RTKN2: variants seen among roughly 807,000 people sequenced by gnomAD.
The protein encoded by RTKN2 is rhotekin-2.
A neutral mutation model predicts 71.5 loss-of-function variants in RTKN2; 69 were observed. That is an observed-to-expected ratio of 0.96 (90% CI 0.79 to 1.18). The LOEUF (loss-of-function observed/expected upper bound fraction) is 1.18, where lower values mean the gene tolerates loss of function less well. Among genes scored for constraint, RTKN2 ranks in the 50% most tolerant of loss-of-function variants. The probability of loss-of-function intolerance (pLI) is 0.00; values close to 1 mark genes in which losing one functional copy is unlikely to be tolerated. For missense variants in RTKN2, 724 were observed against 719.7 expected (o/e 1.01, Z -0.07); for synonymous variants, 236 against 236.5 (o/e 1.00, Z 0.02).
Position 62,193,133 on chromosome 10 carries a change from TCATA to T in RTKN2, c.*4771_*4774del. 3 of 617,156 alleles carry T rather than the reference TCATA, an allele frequency of 4.9e-6. No individual in the cohort carries two copies. The highest frequency in any genetic ancestry group is 6.1e-6 in the Non-Finnish European group (3 of 493,716). The allele number at this position is 617,156 out of a possible 1,614,324, so 38.2% of individuals were successfully genotyped here. A position where few individuals can be genotyped will look rare whatever the true frequency, so the allele number is the denominator to read the frequency against. On this transcript the variant is annotated 3_prime_UTR_variant, in exon 12 of 12. Coordinates refer to ENST00000373789, the MANE Select transcript of RTKN2 (RefSeq NM_145307.4). ...TTAAGTTCTACAAAAATGCATCCATTCATAATTTTGAGTAGATAAACAAAATATA... is the reference window on the plus strand; with the variant it reads ...TTAAGTTCTACAAAAATGCATCCATTATTTTGAGTAGATAAACAAAATATA...
Position 62,193,449 on chromosome 10 carries a change from CTT to C in RTKN2, c.*4457_*4458del. On this transcript the variant is annotated 3_prime_UTR_variant, in exon 12 of 12. Transcript: ENST00000373789. ...AAAATGTTTGTTAAAATTTCTGTAA[CTT>C]TTTTTGTTGTTAATTGAATGTAAAG... 1.0e-6 allele frequency: 1 copy of C among 982,352 alleles called. No homozygotes were observed. Among genetic ancestry groups the C allele is most frequent in the Non-Finnish European group, 1.2e-6 (1 of 827,198 alleles). 60.9% of individuals were successfully genotyped at this position (982,352 alleles called of 1,614,324 possible). A position where few individuals can be genotyped will look rare whatever the true frequency, so the allele number is the denominator to read the frequency against.
chr10:62,247,220 A>G (rs1842496289), intron 2 of RTKN2, among the ~76,000 whole-genome samples: 1 of 151,984 alleles, frequency 6.6e-6, no homozygotes, highest in African/African-American at 2.4e-5. Flanking sequence ...GGTCTGTTAA[A>G]AAGACTGCCA....
rs149159852 is a variant in RTKN2 at position 62,245,767 on chromosome 10, T to G, written c.316+232A>C. Among the ~76,000 whole-genome samples the G allele has an allele frequency of 7.2e-3, 1,103 of 152,272 alleles. 3 individuals carry two copies. The highest frequency in any genetic ancestry group is 0.012 in the Non-Finnish European group (786 of 67,980). On this transcript the variant is annotated intron_variant, in intron 3 of 11. Transcript: ENST00000373789. The stretch of plus-strand genomic sequence containing the variant: ...AATTACTCTACCTATTTTACAAGAC[T>G]GCACTAGGGAGAAAACTGTAGAGTA...
At chr10:62,205,512 C>T (rs796289631) in intron 9 of RTKN2, among the ~76,000 whole-genome samples, 4 of 152,066 alleles carry the variant, frequency 2.6e-5, no homozygotes, top group South Asian at 2.1e-4. Context: ...GCAGTAAAAC[C>T]GTAACTTAGT....
chr10:62,206,044 C>T (rs768471312), intron 9 of RTKN2, among the ~76,000 whole-genome samples: 3 of 152,062 alleles, frequency 2.0e-5, no homozygotes, highest in East Asian at 1.9e-4. Flanking sequence ...ATTAATTTAA[C>T]GATGTATTTC....
chr10:62,226,824 G>T (rs923691822), intron 6 of RTKN2, among the ~76,000 whole-genome samples: 1 of 152,220 alleles, frequency 6.6e-6, no homozygotes, highest in Non-Finnish European at 1.5e-5. Flanking sequence ...GGCTGGGCAT[G>T]GTGGCTCACG....
downstream of RTKN2, among the ~76,000 whole-genome samples, chr10:62,189,420 G>A (rs1359138937): frequency 1.3e-5 from 2 of 152,184 alleles, no homozygotes; most frequent in Non-Finnish European, 2.9e-5. Context: ...AACAAGCTAG[G>A]AGAGGAACAG....
Position 62,195,625 on chromosome 10 carries a change from A to C in RTKN2, c.*2283T>G, listed in dbSNP as rs1454563023. 1 of 207,562 alleles carries C rather than the reference A, an allele frequency of 4.8e-6. No homozygotes were observed. The highest frequency in any genetic ancestry group is 7.0e-6 in the Non-Finnish European group (1 of 142,402). The allele number at this position is 207,562 out of a possible 1,614,324, so 12.9% of individuals were successfully genotyped here. On this transcript the variant is annotated 3_prime_UTR_variant, in exon 12 of 12. Transcript: ENST00000373789. ...AGGGAATGAAGGAAGGAAGGAAGGAAGGAAGGAAGGAAGGAAGGAAGGAAG... is the reference window on the plus strand; with the variant it reads ...AGGGAATGAAGGAAGGAAGGAAGGACGGAAGGAAGGAAGGAAGGAAGGAAG...
intron 8 of RTKN2, among the ~76,000 whole-genome samples, chr10:62,187,718 T>G (rs1049690118): frequency 1.3e-5 from 2 of 152,220 alleles, no homozygotes; most frequent in Non-Finnish European, 2.9e-5. Context: ...CCTAAAAAAC[T>G]GGCCTGTGCC....
intron 5 of RTKN2, among the ~76,000 whole-genome samples, chr10:62,236,493 G>A (rs1315704985): frequency 6.6e-6 from 1 of 151,964 alleles, no homozygotes; most frequent in African/African-American, 2.4e-5. Context: ...GTACACTGCT[G>A]GCGGAGTCAT....
At chr10:62,216,529 G>A (rs1841772946) in intron 9 of RTKN2, among the ~76,000 whole-genome samples, 1 of 152,002 alleles carries the variant, frequency 6.6e-6, no homozygotes, top group Non-Finnish European at 1.5e-5. Flanking sequence ...TAGGATTCTA[G>A]ATGAAAAAAT....
chr10:62,209,150 C>A (rs1222446930), intron 9 of RTKN2, among the ~76,000 whole-genome samples: 1 of 152,116 alleles, frequency 6.6e-6, no homozygotes, highest in African/African-American at 2.4e-5. Flanking sequence ...TGCCTGTAAT[C>A]CCAGCTACCC....
At chr10:62,224,220 C>A (rs1841971708) in intron 6 of RTKN2, among the ~76,000 whole-genome samples, 1 of 151,744 alleles carries the variant, frequency 6.6e-6, no homozygotes, top group Non-Finnish European at 1.5e-5. Context: ...TCAATAGGTA[C>A]AGAATTTCAG....
At chr10:62,215,392 T>C (rs1841747821) in intron 9 of RTKN2, among the ~76,000 whole-genome samples, 1 of 151,980 alleles carries the variant, frequency 6.6e-6, no homozygotes, top group Non-Finnish European at 1.5e-5. Flanking sequence ...AAGGGCACAA[T>C]TTAGATGAAA....
At chr10:62,217,303 T>A in intron 8 of RTKN2, 54 bp from the exon 9 acceptor site, 1 of 1,261,738 alleles carries the variant, frequency 7.9e-7, no homozygotes, top group Non-Finnish European at 1.1e-6. Flanking sequence ...TTATTATCAC[T>A]TTAAATACAT....
At chr10:62,239,113 T>A (rs184803998) in intron 5 of RTKN2, 2 of 150,632 alleles carry the variant, frequency 1.3e-5, no homozygotes, top group Admixed American at 6.7e-5. Flanking sequence ...AGATCACCCA[T>A]TTTTTTTTAT....
intron 2 of RTKN2, among the ~76,000 whole-genome samples, chr10:62,261,804 C>G (rs1842779382): frequency 6.6e-6 from 1 of 152,084 alleles, no homozygotes. Context: ...ACTTACTTTT[C>G]AAGAATTTAA....
Position 62,197,141 on chromosome 10 carries a change from C to T in RTKN2, c.*767G>A, listed in dbSNP as rs991677877. ...TAAGGTGTTGATCAGCTACTCACTTCCCTAAATTCCAAAGTCACAATGGAA... is the reference window on the plus strand; with the variant it reads ...TAAGGTGTTGATCAGCTACTCACTTTCCTAAATTCCAAAGTCACAATGGAA... On this transcript the variant is annotated 3_prime_UTR_variant, in exon 12 of 12. Transcript: ENST00000373789. 1 of 985,266 alleles carries T rather than the reference C, an allele frequency of 1.0e-6. No individual in the cohort carries two copies. The highest frequency in any genetic ancestry group is 6.2e-5 in the Admixed American group (1 of 16,254). The allele number at this position is 985,266 out of a possible 1,614,324, so 61.0% of individuals were successfully genotyped here. A position where few individuals can be genotyped will look rare whatever the true frequency, so the allele number is the denominator to read the frequency against.
chr10:62,228,938 T>C (rs1483863823), intron 6 of RTKN2, among the ~76,000 whole-genome samples: 2 of 152,168 alleles, frequency 1.3e-5, no homozygotes, highest in Admixed American at 1.3e-4. Context: ...GAGGAGAACA[T>C]GTGAAATACT....
Sources: allele counts gnomAD v4.1 joint callset (sites outside exome capture counted in the v4.1 genomes callset), GRCh38; gene constraint gnomAD v4.1.1; transcripts MANE v1.5; gene names NCBI Gene and HGNC (gene_info 2026-07-23, HGNC 2026-07-21).